ATP7B: variants seen among roughly 807,000 people sequenced by gnomAD.
ATP7B encodes the protein copper-transporting ATPase 2.
A neutral mutation model predicts 118.9 loss-of-function variants in ATP7B; 113 were observed. The observed-to-expected ratio is 0.95, with a 90% CI of 0.82 to 1.11. ATP7B has a LOEUF of 1.11. ATP7B is among the 50% of genes most tolerant of loss of function. The probability of loss-of-function intolerance (pLI) is 0.00; values close to 1 mark genes in which losing one functional copy is unlikely to be tolerated. For synonymous variants in ATP7B, 777 were observed against 727.4 expected, an observed-to-expected ratio of 1.07 and a Z score of -1.10; for missense variants, 1,867 against 1,871.4, an observed-to-expected ratio of 1.00 and a Z score of 0.04.
In ATP7B at chr13:51,960,155, A is replaced by C. The variant is rs756971846; in HGVS notation, c.2114T>G (p.Phe705Cys). Reference protein sequence around the residue: ...LNLIFFILCTFVQLLGGWYFY... With the variant: ...LNLIFFILCTCVQLLGGWYFY... Reference sequence around the variant, plus strand: ...CCACTTTCTCATATATACCTGGACAAAGGTACACAAGATAAAGAAGATGAG... The same window carrying C: ...CCACTTTCTCATATATACCTGGACACAGGTACACAAGATAAAGAAGATGAG... Residue 705 changes from phenylalanine (F) to cysteine (C), a missense_variant, in exon 7 of 21, where the codon TTT becomes TGT. Coordinates refer to ENST00000242839, the MANE Select transcript of ATP7B (RefSeq NM_000053.4). The C allele has an allele frequency of 5.0e-6, 8 of 1,613,744 alleles. No individual in the cohort carries two copies. The highest frequency in any genetic ancestry group is 6.8e-6 in the Non-Finnish European group (8 of 1,179,720).
intron 1 of ATP7B, among the ~76,000 whole-genome samples, chr13:51,986,343 C>T (rs1477666788): frequency 6.6e-6 from 1 of 152,202 alleles, no homozygotes; most frequent in Non-Finnish European, 1.5e-5. Flanking sequence ...TGGACACATA[C>T]ACCCTCCAAA....
intron 20 of ATP7B, 148 bp from the exon 21 acceptor site, chr13:51,935,177 C>T: frequency 8.4e-7 from 1 of 1,196,228 alleles, no homozygotes; most frequent in Non-Finnish European, 1.2e-6. Context: ...CATTAAACTC[C>T]CTATGGTTCC....
In ATP7B at chr13:51,946,463, T is replaced by C. The variant is rs766352903; in HGVS notation, c.2881A>G (p.Ile961Val). The C allele has an allele frequency of 6.2e-7, 1 of 1,614,188 alleles. No homozygotes were observed. Among genetic ancestry groups the C allele is most frequent in the Non-Finnish European group, 8.5e-7 (1 of 1,180,030 alleles). Residue 961 changes from isoleucine (I) to valine (V), a missense_variant, in exon 13 of 21, where the codon ATC becomes GTC. Physicochemically the swap from Ile to Val is conservative, Grantham distance 29 (BLOSUM62 3). Transcript: ENST00000242839. ...QRYFPNPNKH[I>V]SQTEVIIRFA... Reference sequence around the variant, plus strand: ...CGGATGATCACCTCTGTCTGGGAGATGTGCTTGTTGGGGTTCTGAAAACAG... The same window carrying C: ...CGGATGATCACCTCTGTCTGGGAGACGTGCTTGTTGGGGTTCTGAAAACAG...
Position 51,957,621 on chromosome 13 carries a change from A to G in ATP7B, c.2356-14T>C, listed in dbSNP as rs746337400. On this transcript the variant is annotated splice_polypyrimidine_tract_variant and intron_variant, in intron 8 of 20. Transcript: ENST00000242839. The stretch of plus-strand genomic sequence containing the variant: ...TGAGGTTTTGCTCTAGGAAATAACC[A>G]GAATGTGAAATGAGAGCTATCGAAA... 1 of 1,611,508 alleles carries G rather than the reference A, an allele frequency of 6.2e-7. No homozygotes were observed. Among genetic ancestry groups the G allele is most frequent in the African/African-American group, 1.3e-5 (1 of 74,900 alleles).
intron 1 of ATP7B, among the ~76,000 whole-genome samples, chr13:51,986,374 G>A (rs12873831): frequency 2.0e-5 from 3 of 152,238 alleles, no homozygotes; most frequent in East Asian, 1.9e-4. Context: ...GGAAGAAGTC[G>A]AATCCCTGAA....
Position 51,946,371 on chromosome 13 carries a change from C to T in ATP7B, c.2973G>A (p.Thr991=), listed in dbSNP as rs1801246. Residue 991 remains threonine, a synonymous_variant, in exon 13 of 21, where the codon ACG becomes ACA. Transcript: ENST00000242839. The stretch of plus-strand genomic sequence containing the variant: ...CGGTGCCCACCATGACAGCCGTGGG[C>T]GTGGCCAGCCCCAGGGAGCAGGGGC... The part of the protein sequence containing the change: ...IACPCSLGLA[T]PTAVMVGTGV... 0.067 allele frequency: 108,097 copies of T among 1,613,402 alleles called. 4,202 individuals carry two copies. Among genetic ancestry groups the T allele is most frequent in the Non-Finnish European group, 0.077 (91,311 of 1,179,824 alleles).
Position 51,934,834 on chromosome 13 carries a change from C to T in ATP7B, c.4320G>A (p.Arg1440=), listed in dbSNP as rs1434438855. The T allele has an allele frequency of 6.2e-7, 1 of 1,614,160 alleles. No homozygotes were observed. The highest frequency in any genetic ancestry group is 8.5e-7 in the Non-Finnish European group (1 of 1,180,048). Residue 1440 remains arginine (R), a synonymous_variant, in exon 21 of 21, where the codon CGG becomes CGA. Transcript: ENST00000242839. ...CATCATCGTCTGCTGCAGCGCTGTGCCGAGATGGCTTGTCGGACGTCAGGG... is the reference window on the plus strand; with the variant it reads ...CATCATCGTCTGCTGCAGCGCTGTGTCGAGATGGCTTGTCGGACGTCAGGG... ...LSSLTSDKPS[R]HSAAADDDGD...
At chr13:51,970,858 G>A (rs539058476) in intron 2 of ATP7B, 109 bp from the exon 3 acceptor site, 90 of 1,056,112 alleles carry the variant, frequency 8.5e-5, no homozygotes, top group African/African-American at 5.0e-4. Flanking sequence ...GGCTCCCACC[G>A]AGCAGCCTCA....
At chr13:51,965,725 G>A (rs1196031821) in intron 4 of ATP7B, among the ~76,000 whole-genome samples, 5 of 152,164 alleles carry the variant, frequency 3.3e-5, no homozygotes, top group Non-Finnish European at 7.3e-5. Flanking sequence ...GATGCTCGAG[G>A]GAGAGGAGGG....
chr13:51,975,142 G>A lies in ATP7B; in HGVS notation c.78C>T (p.Thr26=). The A allele has an allele frequency of 6.2e-7, 1 of 1,614,174 alleles. No homozygotes were observed. Among genetic ancestry groups the A allele is most frequent in the Non-Finnish European group, 8.5e-7 (1 of 1,180,034 alleles). Reference sequence around the variant, plus strand: ...TCTTCATTGCTGGTTCCCAGGCACGGGTAGGCAAAGAAAGCTTAGATAAGA... The same window carrying A: ...TCTTCATTGCTGGTTCCCAGGCACGAGTAGGCAAAGAAAGCTTAGATAAGA... ...RKILSKLSLP[T]RAWEPAMKKS... Residue 26 remains threonine, a synonymous_variant, in exon 2 of 21, where the codon ACC becomes ACT. Transcript: ENST00000242839.
intron 1 of ATP7B, among the ~76,000 whole-genome samples, chr13:51,985,131 TAA>T (rs762210599): frequency 2.4e-4 from 36 of 152,188 alleles, no homozygotes; most frequent in Non-Finnish European, 4.8e-4. Flanking sequence ...GCGAATTGGA[TAA>T]AGAGTCAAGA....
intron 7 of ATP7B, chr13:51,959,546 T>A (rs1958595373): frequency 6.6e-6 from 1 of 152,474 alleles, no homozygotes; most frequent in Non-Finnish European, 1.5e-5. Flanking sequence ...CTACCAATGC[T>A]TGCCCCCAAA....
At chr13:52,002,498 T>G (rs948686027) in intron 1 of ATP7B, among the ~76,000 whole-genome samples, 2 of 75,880 alleles carry the variant, frequency 2.6e-5, no homozygotes, top group Non-Finnish European at 5.5e-5. Context: ...CCCGAGGAGA[T>G]CCAGGCTGCA....
At chr13:51,971,663 G>C (rs1163293724) in intron 2 of ATP7B, among the ~76,000 whole-genome samples, 5 of 152,134 alleles carry the variant, frequency 3.3e-5, no homozygotes, top group Non-Finnish European at 7.4e-5. Flanking sequence ...ATTGATTTTT[G>C]TTTTAAAGAA....
chr13:51,956,701 G>A (rs1459737266), intron 9 of ATP7B, among the ~76,000 whole-genome samples: 3 of 152,162 alleles, frequency 2.0e-5, no homozygotes, highest in Admixed American at 6.5e-5. Context: ...GGACCAGGGA[G>A]AGATTTTAGG....
At chr13:51,965,914 G>A (rs1566562929) in intron 4 of ATP7B, among the ~76,000 whole-genome samples, 1 of 152,140 alleles carries the variant, frequency 6.6e-6, no homozygotes, top group Non-Finnish European at 1.5e-5. Flanking sequence ...AAAGAGCCAA[G>A]GGTCCCATCT....
chr13:51,952,779 C>T (rs921994523), intron 9 of ATP7B, among the ~76,000 whole-genome samples: 2 of 152,188 alleles, frequency 1.3e-5, no homozygotes, highest in African/African-American at 4.8e-5. Context: ...GTGGCTACTT[C>T]CTGTGATTAC....
chr13:51,972,553 A>C (rs1315408825), intron 2 of ATP7B, among the ~76,000 whole-genome samples: 1 of 151,990 alleles, frequency 6.6e-6, no homozygotes, highest in Non-Finnish European at 1.5e-5. Flanking sequence ...TGGTGACCCC[A>C]AGCTTGGTGG....
chr13:51,988,837 A>T (rs752381830), intron 1 of ATP7B, among the ~76,000 whole-genome samples: 1 of 147,512 alleles, frequency 6.8e-6, no homozygotes, highest in East Asian at 2.1e-4. Context: ...GTTCTCACTC[A>T]TAAGTGGGAG....
Sources: allele counts gnomAD v4.1 joint callset (sites outside exome capture counted in the v4.1 genomes callset), GRCh38; gene constraint gnomAD v4.1.1; transcripts MANE v1.5; gene names NCBI Gene and HGNC (gene_info 2026-07-23, HGNC 2026-07-21).